The following KIRREL3 variants were observed in gnomAD, a reference collection of about 807,000 sequenced individuals.
The protein encoded by KIRREL3 is kirre like nephrin family adhesion molecule 3.
Under a neutral mutation model 89.7 loss-of-function variants are expected in KIRREL3, and 36 were observed. The observed-to-expected ratio is 0.40, with a 90% confidence interval of 0.31 to 0.53. KIRREL3 has a LOEUF of 0.53. Among genes scored for constraint, KIRREL3 ranks in the 20% least tolerant of loss-of-function variants. The pLI is 0.49. For missense variants in KIRREL3, 864 were observed against 1,056.6 expected (o/e 0.82, Z 2.53); for synonymous variants, 445 against 441.4 (o/e 1.01, Z -0.10).
rs560511784 is a variant in KIRREL3, at chr11:126,576,876, C to T, written c.56-13964G>A. Among the ~76,000 whole-genome samples, 13 of 152,316 alleles carry T rather than the reference C, an allele frequency of 8.5e-5. No individual in the cohort carries two copies. Among genetic ancestry groups the T allele is most frequent in the African/African-American group, 3.1e-4 (13 of 41,566 alleles). Reference sequence around the variant, plus strand: ...GAGATGAGCCTTTACTGAGATGCTGCTATCTGCTGGGCACTTTACACACAC... The same window carrying T: ...GAGATGAGCCTTTACTGAGATGCTGTTATCTGCTGGGCACTTTACACACAC... On this transcript the variant is annotated intron_variant, in intron 1 of 16. Coordinates refer to ENST00000525144, the MANE Select transcript of KIRREL3 (RefSeq NM_032531.4). This position sits in a 1 kb window ranked among gnomAD's most constrained non-coding sequence, Gnocchi z 5.4.
chr11:126,475,806 G>A lies in KIRREL3; in HGVS notation c.434-2340C>T, dbSNP rs542012381. Among the ~76,000 whole-genome samples the A allele has an allele frequency of 4.9e-4, 74 of 152,360 alleles. No homozygotes were observed. Among genetic ancestry groups the A allele is most frequent in the African/African-American group, 1.8e-3 (73 of 41,592 alleles). ...GTGGGGGTGGGTGCAACCACTTGTG[G>A]AGGAGGGGAATTGCATCTCCACGCG... On this transcript the variant is annotated intron_variant, in intron 4 of 16. Coordinates refer to ENST00000525144, the MANE Select transcript of KIRREL3 (RefSeq NM_032531.4). This position sits in a 1 kb window ranked among gnomAD's most constrained non-coding sequence, Gnocchi z 7.5.
intron 1 of KIRREL3, chr11:126,935,920 C>G (rs1169465226): frequency 2.0e-5 from 3 of 152,122 alleles, no homozygotes. Flanking sequence ...TCAGTTGTAA[C>G]AAATGGGCCA....
rs1943109562 is a variant in KIRREL3, at chr11:126,611,116, T to G, written c.56-48204A>C. Among the ~76,000 whole-genome samples the G allele has an allele frequency of 6.6e-6, 1 of 152,136 alleles. No individual in the cohort carries two copies. Among genetic ancestry groups the G allele is most frequent in the Admixed American group, 6.5e-5 (1 of 15,270 alleles). On this transcript the variant is annotated intron_variant, in intron 1 of 16. Coordinates refer to ENST00000525144, the MANE Select transcript of KIRREL3 (RefSeq NM_032531.4). This position sits in a 1 kb window ranked among gnomAD's most constrained non-coding sequence, Gnocchi z 4.7. ...TGACTCCACTCCTGAGCTGTGTGACTTTGGGGAAGTTCCTCAACTGAAGTC... is the reference window on the plus strand; with the variant it reads ...TGACTCCACTCCTGAGCTGTGTGACGTTGGGGAAGTTCCTCAACTGAAGTC...
In KIRREL3 at chr11:126,685,034, GAC is replaced by G. The variant is rs1205367550; in HGVS notation, c.56-122124_56-122123del. Among the ~76,000 whole-genome samples the G allele has an allele frequency of 6.6e-6, 1 of 152,058 alleles. No individual in the cohort carries two copies. The highest frequency in any genetic ancestry group is 1.9e-4 in the East Asian group (1 of 5,182). On this transcript the variant is annotated intron_variant, in intron 1 of 16. Transcript: ENST00000525144. This position sits in a 1 kb window ranked among gnomAD's most constrained non-coding sequence, Gnocchi z 5.5. Reference sequence around the variant, plus strand: ...CTCCTCTAATATGGAAGGAACGTTAGACACACATTCCTGTAGATGCTGGAGTG... The same window carrying G: ...CTCCTCTAATATGGAAGGAACGTTAGACACATTCCTGTAGATGCTGGAGTG...
chr11:126,784,601 C>T (rs1950426768), intron 1 of KIRREL3, among the ~76,000 whole-genome samples: 2 of 147,612 alleles, frequency 1.4e-5, no homozygotes, highest in African/African-American at 5.1e-5. Context: ...TTACTTAGCG[C>T]TTATCCTGCA....
Position 126,819,593 on chromosome 11 carries a change from G to A in KIRREL3, c.55+180862C>T, listed in dbSNP as rs564432866. Among the ~76,000 whole-genome samples the A allele has an allele frequency of 3.3e-5, 5 of 152,318 alleles. No individual in the cohort carries two copies. In the East Asian group the frequency reaches 9.7e-4, roughly 29 times the overall value. On this transcript the variant is annotated intron_variant, in intron 1 of 16. Transcript: ENST00000525144. Reference sequence around the variant, plus strand: ...CGTTGGCCATCTGCTTCGCAGGTACGATGGCATTAGGTGCTTTGGGCGGGG... The same window carrying A: ...CGTTGGCCATCTGCTTCGCAGGTACAATGGCATTAGGTGCTTTGGGCGGGG...
rs1341976020 is a variant in KIRREL3, at chr11:126,436,928, C to T, written c.1435G>A (p.Val479Ile). Reference protein sequence around the residue: ...TVETISTEEGVISTLTISNIV... With the variant: ...TVETISTEEGIISTLTISNIV... Reference sequence around the variant, plus strand: ...TTGCTGATGGTCAGGGTGGAGATGACGCCCTCCTCGGTGCTGATGGTCTCC... The same window carrying T: ...TTGCTGATGGTCAGGGTGGAGATGATGCCCTCCTCGGTGCTGATGGTCTCC... Residue 479 changes from valine (V) to isoleucine (I), a missense_variant, in exon 12 of 17, where the codon GTC becomes ATC. Physicochemically the swap from Val to Ile is conservative, Grantham distance 29 (BLOSUM62 3). Transcript: ENST00000525144. 7 of 1,612,638 alleles carry T rather than the reference C, an allele frequency of 4.3e-6. No individual in the cohort carries two copies. The highest frequency in any genetic ancestry group is 3.3e-5 in the Admixed American group (2 of 59,952).
chr11:126,742,720 C>T lies in KIRREL3; in HGVS notation c.56-179808G>A, dbSNP rs1476637845. ...TATCACCTAGCAGCTAAGAAATCAGCAGACAGTGGACTTTAGAACCAGGCA... is the reference window on the plus strand; with the variant it reads ...TATCACCTAGCAGCTAAGAAATCAGTAGACAGTGGACTTTAGAACCAGGCA... On this transcript the variant is annotated intron_variant, in intron 1 of 16. Coordinates refer to ENST00000525144, the MANE Select transcript of KIRREL3 (RefSeq NM_032531.4). This position sits in a 1 kb window ranked among gnomAD's most constrained non-coding sequence, Gnocchi z 5.3. 6.6e-6 allele frequency among the ~76,000 whole-genome samples: 1 copy of T among 152,232 alleles called. No individual in the cohort carries two copies. The highest frequency in any genetic ancestry group is 1.9e-4 in the East Asian group (1 of 5,200).
intron 1 of KIRREL3, among the ~76,000 whole-genome samples, chr11:126,982,992 C>T (rs11600934): frequency 0.094 from 14,317 of 152,166 alleles, 701 homozygotes; most frequent in Non-Finnish European, 0.11. Flanking sequence ...TAATCTCTCC[C>T]CCATGGGACC....
intron 1 of KIRREL3, among the ~76,000 whole-genome samples, chr11:126,836,314 C>T (rs1340238639): frequency 6.6e-6 from 1 of 152,130 alleles, no homozygotes; most frequent in Admixed American, 6.5e-5. Flanking sequence ...CACAAAGATG[C>T]CACAGGAAAA....
chr11:126,718,067 T>C (rs1948035240), intron 1 of KIRREL3, among the ~76,000 whole-genome samples: 1 of 152,082 alleles, frequency 6.6e-6, no homozygotes, highest in African/African-American at 2.4e-5. Context: ...TCTTTCTGGG[T>C]AAGAGATTCA....
intron 1 of KIRREL3, among the ~76,000 whole-genome samples, chr11:126,866,358 C>A (rs1458632797): frequency 6.6e-6 from 1 of 152,230 alleles, no homozygotes; most frequent in African/African-American, 2.4e-5. Context: ...ATTCCCAGGT[C>A]CTCTCACTTA....
At chr11:126,534,183 C>T (rs1372721972) in intron 2 of KIRREL3, among the ~76,000 whole-genome samples, 1 of 151,624 alleles carries the variant, frequency 6.6e-6, no homozygotes, top group African/African-American at 2.4e-5. Context: ...GAAGCCTTGG[C>T]CAGCTGCTGT....
chr11:126,699,987 G>C (rs569078276), intron 1 of KIRREL3, among the ~76,000 whole-genome samples: 3 of 151,980 alleles, frequency 2.0e-5, no homozygotes, highest in African/African-American at 7.2e-5. Context: ...TGAGTTCTGG[G>C]GTTCGAGACC....
At position 126,676,811 on chromosome 11, in the gene KIRREL3, G is replaced by A. The variant is rs2054013661; in HGVS notation, c.56-113899C>T. ...TTTTTTTTTTTCCTTTTGAGACAGA[G>A]TCTCCCTCTGCCATCTGGACTGGTA... On this transcript the variant is annotated intron_variant, in intron 1 of 16. Transcript: ENST00000525144. This position sits in a 1 kb window ranked among gnomAD's most constrained non-coding sequence, Gnocchi z 4.5. Among the ~76,000 whole-genome samples the A allele has an allele frequency of 6.6e-6, 1 of 151,062 alleles. No individual in the cohort carries two copies. The highest frequency in any genetic ancestry group is 2.4e-5 in the African/African-American group (1 of 41,024).
chr11:126,579,869 A>T lies in KIRREL3; in HGVS notation c.56-16957T>A, dbSNP rs557868857. Among the ~76,000 whole-genome samples, 1 of 148,592 alleles carries T rather than the reference A, an allele frequency of 6.7e-6. No individual in the cohort carries two copies. The highest frequency in any genetic ancestry group is 1.5e-5 in the Non-Finnish European group (1 of 67,332). On this transcript the variant is annotated intron_variant, in intron 1 of 16. Coordinates refer to ENST00000525144, the MANE Select transcript of KIRREL3 (RefSeq NM_032531.4). This position sits in a 1 kb window ranked among gnomAD's most constrained non-coding sequence, Gnocchi z 5.3. ...CCAAGTCATTTTTTTTTTTTGAGGC[A>T]GAGTCTTGCTCTGTCACCCAGGCTG...
Position 127,000,502 on chromosome 11 carries a change from G to C in KIRREL3, c.8C>G (p.Pro3Arg), listed in dbSNP as rs376820417. 2.5e-6 allele frequency: 4 copies of C among 1,606,916 alleles called. No individual in the cohort carries two copies. The highest frequency in any genetic ancestry group is 3.4e-6 in the Non-Finnish European group (4 of 1,176,816). MKPFQLDLLFVCF... is the reference protein window; with the variant it reads MKRFQLDLLFVCF... ...GACGAAGAGCAGATCGAGCTGGAAGGGTTTCATTCCTTAGCGCAGCGAAGG... is the reference window on the plus strand; with the variant it reads ...GACGAAGAGCAGATCGAGCTGGAAGCGTTTCATTCCTTAGCGCAGCGAAGG... The change falls in exon 1 of 17, where the codon CCC becomes CGC. Residue 3 changes from proline to arginine, a missense_variant. Coordinates refer to ENST00000525144, the MANE Select transcript of KIRREL3 (RefSeq NM_032531.4). This position sits in a 1 kb window ranked among gnomAD's most constrained non-coding sequence, Gnocchi z 7.1.
intron 9 of KIRREL3, among the ~76,000 whole-genome samples, chr11:126,445,403 T>A (rs1009680027): frequency 1.3e-5 from 2 of 152,174 alleles, no homozygotes; most frequent in Non-Finnish European, 2.9e-5. Flanking sequence ...AGGAGGGGGA[T>A]GCCTGCCTGG....
At chr11:126,634,186 C>T (rs1944169045) in intron 1 of KIRREL3, among the ~76,000 whole-genome samples, 1 of 152,180 alleles carries the variant, frequency 6.6e-6, no homozygotes, top group Non-Finnish European at 1.5e-5. Context: ...GCTCTGTTCA[C>T]CGGTACCGAA....
Sources: gnomAD v4.1 joint callset for allele counts (sites outside exome capture counted in the v4.1 genomes callset) on GRCh38, gnomAD v4.1.1 for gene constraint, Gnocchi (gnomAD v3.1) non-coding constraint, MANE v1.5 for transcripts, NCBI Gene and HGNC (gene_info 2026-07-23, HGNC 2026-07-21) for gene names.